Variants in RHNO1 observed in about 807,000 individuals in gnomAD.
RHNO1 encodes RAD9, HUS1, RAD1-interacting nuclear orphan protein 1.
In RHNO1, 9 loss-of-function variants were observed where a neutral mutation model predicts 7.2. The observed-to-expected ratio is 1.25, with a 90% CI of 0.75 to 2.18. The LOEUF (loss-of-function observed/expected upper bound fraction) is 2.18. Ranked by LOEUF, RHNO1 falls within the 30% of genes most tolerant of loss-of-function variation. RHNO1 has a pLI of 0.00. For synonymous variants in RHNO1, 95 were observed against 107.5 expected (o/e 0.88, Z 0.72); for missense variants, 292 against 284.5 (o/e 1.03, Z -0.19).
Position 2,888,362 on chromosome 12 carries a change from A to G in RHNO1, c.620A>G (p.Tyr207Cys). 6.2e-7 allele frequency: 1 copy of G among 1,614,184 alleles called. No individual in the cohort carries two copies. The highest frequency in any genetic ancestry group is 1.3e-5 in the African/African-American group (1 of 75,028). Residue 207 changes from tyrosine (Y) to cysteine (C), a missense_variant, in exon 3 of 3, where the codon TAT becomes TGT. Physicochemically the swap from Tyr to Cys is radical, Grantham distance 194 (BLOSUM62 -2). Coordinates refer to ENST00000489288, the MANE Select transcript of RHNO1 (RefSeq NM_001252499.3). The stretch of plus-strand genomic sequence containing the variant: ...GTTAAAGACACCCCCGAGGACAAGT[A>G]TGGAATAAAGGTCACATGGAGGAGA... ...VLVKDTPEDK[Y>C]GIKVTWRRRQ...
intron 1 of RHNO1, among the ~76,000 whole-genome samples, chr12:2,882,455 T>G (rs975141924): frequency 6.6e-6 from 1 of 151,776 alleles, no homozygotes; most frequent in Non-Finnish European, 1.5e-5. Context: ...CCCCAGCACT[T>G]TGGGAGGCCG....
At chr12:2,877,003 G>A (rs1271803657), upstream of RHNO1, 1 of 152,070 alleles carries the variant, frequency 6.6e-6, no homozygotes, top group Non-Finnish European at 1.5e-5. Context: ...CCGAGCCAGG[G>A]CCCCGGACGG....
chr12:2,883,510 T>TATATATATA (rs2098161532), intron 1 of RHNO1, among the ~76,000 whole-genome samples: 1 of 24,508 alleles, frequency 4.1e-5, no homozygotes, highest in Non-Finnish European at 6.2e-5. Flanking sequence ...TATATATATA[T>TATATATATA]ATTTTTTTTT....
At position 2,888,089 on chromosome 12, in the gene RHNO1, C is replaced by G; in HGVS notation, c.347C>G (p.Pro116Arg). The part of the protein sequence containing the change: ...TLGIPLIREC[P>R]SESEKDVSRR... ...GGGATCCCCTTAATCCGAGAGTGCC[C>G]CAGTGAATCAGAAAAGGATGTTTCC... Residue 116 changes from proline to arginine, a missense_variant, in exon 3 of 3, where the codon CCC (proline) becomes CGC (arginine). Physicochemically the swap from Pro to Arg is moderately radical, Grantham distance 103 (BLOSUM62 -2). Coordinates refer to ENST00000489288, the MANE Select transcript of RHNO1 (RefSeq NM_001252499.3). The G allele has an allele frequency of 1.9e-6, 3 of 1,614,016 alleles. No individual in the cohort carries two copies. Among genetic ancestry groups the G allele is most frequent in the Non-Finnish European group, 2.5e-6 (3 of 1,179,982 alleles).
intron 1 of RHNO1, among the ~76,000 whole-genome samples, chr12:2,879,869 C>T (rs2098155175): frequency 6.6e-6 from 1 of 151,948 alleles, no homozygotes; most frequent in Non-Finnish European, 1.5e-5. Context: ...ATGAACTGAC[C>T]TCTAATTAGA....
At chr12:2,886,595 G>A (rs765353764) in intron 2 of RHNO1, among the ~76,000 whole-genome samples, 132 of 147,990 alleles carry the variant, frequency 8.9e-4, no homozygotes, top group Non-Finnish European at 1.4e-3. Context: ...GGTCAAGGCT[G>A]TAGTGAGCCA....
intron 1 of RHNO1, 170 bp from the exon 2 acceptor site, chr12:2,885,113 G>A (rs756559722): frequency 6.6e-5 from 28 of 425,350 alleles, no homozygotes; most frequent in Non-Finnish European, 9.2e-5. Context: ...ATAAATGTTC[G>A]TTAGATGAAT....
At position 2,888,379 on chromosome 12, in the gene RHNO1, T is replaced by G. The variant is rs766030140; in HGVS notation, c.637T>G (p.Trp213Gly). ...PEDKYGIKVT[W>G]RRRQHLLAYL... Reference sequence around the variant, plus strand: ...GGACAAGTATGGAATAAAGGTCACATGGAGGAGACGACAGCACCTGCTTGC... The same window carrying G: ...GGACAAGTATGGAATAAAGGTCACAGGGAGGAGACGACAGCACCTGCTTGC... The change falls in exon 3 of 3, where the codon TGG (tryptophan) becomes GGG (glycine). Residue 213 changes from tryptophan to glycine, a missense_variant. Coordinates refer to ENST00000489288, the MANE Select transcript of RHNO1 (RefSeq NM_001252499.3). 6.2e-7 allele frequency: 1 copy of G among 1,613,990 alleles called. No individual in the cohort carries two copies. The highest frequency in any genetic ancestry group is 1.1e-5 in the South Asian group (1 of 91,058).
intron 1 of RHNO1, among the ~76,000 whole-genome samples, chr12:2,883,785 G>A (rs2098162068): frequency 6.6e-6 from 1 of 151,570 alleles, no homozygotes. Flanking sequence ...TAAAGTGCTG[G>A]GATTACAGGC....
In RHNO1 at chr12:2,889,026, T is replaced by C. The variant is rs2098169022; in HGVS notation, c.*567T>C. The stretch of plus-strand genomic sequence containing the variant: ...TTACCCCATCCACTAATGGTCTTTG[T>C]TTCCTTAACCACTACTCATTAATCC... On this transcript the variant is annotated 3_prime_UTR_variant, in exon 3 of 3. Coordinates refer to ENST00000489288, the MANE Select transcript of RHNO1 (RefSeq NM_001252499.3). 6.6e-6 allele frequency: 1 copy of C among 152,268 alleles called. No individual in the cohort carries two copies. Among genetic ancestry groups the C allele is most frequent in the African/African-American group, 2.4e-5 (1 of 41,458 alleles). The allele number at this position is 152,268 out of a possible 1,614,324, so 9.4% of individuals were successfully genotyped here.
chr12:2,881,395 G>A (rs542332475), intron 1 of RHNO1, among the ~76,000 whole-genome samples: 5 of 152,060 alleles, frequency 3.3e-5, no homozygotes, highest in East Asian at 3.9e-4. Context: ...GAGCCACTGC[G>A]CCCGGCCTCT....
At chr12:2,883,023 CACCACTGCACTCCAGCCTA>C (rs1005344465) in intron 1 of RHNO1, among the ~76,000 whole-genome samples, 2 of 145,882 alleles carry the variant, frequency 1.4e-5, no homozygotes, top group Non-Finnish European at 3.0e-5. Context: ...TCCATGATCA[CACCACTGCACTCCAGCCTA>C]GGTGACAGAG....
chr12:2,878,384 A>T (rs2098151752), intron 1 of RHNO1, among the ~76,000 whole-genome samples: 1 of 150,810 alleles, frequency 6.6e-6, no homozygotes. Context: ...GGCAGGAGGA[A>T]GCACAGTGAG....
chr12:2,887,780 T>A, intron 2 of RHNO1, 131 bp from the exon 3 acceptor site: 1 of 690,578 alleles, frequency 1.4e-6, no homozygotes, highest in Non-Finnish European at 2.3e-6. Context: ...TATTATGCCA[T>A]TAGACAGTTA....
rs1227136620 is a variant in RHNO1 at position 2,879,615 on chromosome 12, T to TGGGATTACAG, written c.-85+2334_-85+2335insGGATTACAGG. On this transcript the variant is annotated intron_variant, in intron 1 of 2. Transcript: ENST00000489288. The stretch of plus-strand genomic sequence containing the variant: ...TCTGAAAGTGCTGGGATTACAGGCG[T>TGGGATTACAG]GAGCCACTGCGCTCAGCCTTACACA... 8.2e-4 allele frequency among the ~76,000 whole-genome samples: 124 copies of TGGGATTACAG among 152,052 alleles called. 2 individuals are homozygous for TGGGATTACAG. The East Asian group carries it at 0.022, about 27-fold the overall frequency.
intron 1 of RHNO1, among the ~76,000 whole-genome samples, chr12:2,883,066 C>CAAAAAAAAAAAACA (rs2098160063): frequency 2.7e-5 from 1 of 36,514 alleles, no homozygotes; most frequent in African/African-American, 1.1e-4. Context: ...GGCCCTGTCT[C>CAAAAAAAAAAAACA]AAAAAAAAAA....
At position 2,888,488 on chromosome 12, in the gene RHNO1, G is replaced by C. The variant is rs772536125; in HGVS notation, c.*29G>C. ...CCATCAGTAATCTCAATAGAAAAGA[G>C]ATATGTTTTCTGGAGTCATAAAGGA... is the stretch of plus-strand genomic sequence containing the variant. On this transcript the variant is annotated 3_prime_UTR_variant, in exon 3 of 3. Transcript: ENST00000489288. 1.3e-6 allele frequency: 2 copies of C among 1,509,472 alleles called. No individual in the cohort carries two copies. The highest frequency in any genetic ancestry group is 4.5e-5 in the East Asian group (2 of 44,152). The allele number at this position is 1,509,472 out of a possible 1,614,324, so 93.5% of individuals were successfully genotyped here. A position where few individuals can be genotyped will look rare whatever the true frequency, so the allele number is the denominator to read the frequency against.
intron 1 of RHNO1, among the ~76,000 whole-genome samples, chr12:2,882,052 G>A (rs982893476): frequency 3.3e-5 from 5 of 151,778 alleles, no homozygotes; most frequent in African/African-American, 1.2e-4. Flanking sequence ...CTGCTCTGTT[G>A]TGTCTTTCCA....
Position 2,885,560 on chromosome 12 carries a change from C to CTTTTTTTTTTTTTTTT in RHNO1, c.168+26_168+27insTTTTTTTTTTTTTTTT, listed in dbSNP as rs2098164432. 8.1e-6 allele frequency: 6 copies of CTTTTTTTTTTTTTTTT among 737,658 alleles called. 2 individuals are homozygous for CTTTTTTTTTTTTTTTT. In the Admixed American group the frequency reaches 1.1e-4, roughly 14 times the overall value. The allele number at this position is 737,658 out of a possible 1,614,324, so 45.7% of individuals were successfully genotyped here. A position where few individuals can be genotyped will look rare whatever the true frequency, so the allele number is the denominator to read the frequency against. On this transcript the variant is annotated intron_variant, in intron 2 of 2. Coordinates refer to ENST00000489288, the MANE Select transcript of RHNO1 (RefSeq NM_001252499.3). ...GTAGGCCCATGGGATTACTATTTGA[C>CTTTTTTTTTTTTTTTT]ATTTTTTTTTTTTTTTTTTTTTTTT...
Sources: allele counts gnomAD v4.1 joint callset (sites outside exome capture counted in the v4.1 genomes callset), GRCh38; gene constraint gnomAD v4.1.1; transcripts MANE v1.5; gene names NCBI Gene and HGNC (gene_info 2026-07-23, HGNC 2026-07-21).